RYR3: variants seen among roughly 807,000 people sequenced by gnomAD.
RYR3 encodes the protein ryanodine receptor 3, also known as brain ryanodine receptor-calcium release channel.
Under a neutral mutation model 584.3 loss-of-function variants are expected in RYR3, and 207 were observed. That is an observed-to-expected ratio of 0.35 (90% confidence interval 0.32 to 0.40). RYR3 has a LOEUF of 0.40. Among genes scored for constraint, RYR3 ranks in the 10% least tolerant of loss-of-function variants. The pLI, the probability that RYR3 is intolerant of heterozygous loss-of-function variation, is 1.00. For synonymous variants in RYR3, 2,416 were observed against 2,248.5 expected (o/e 1.07, Z -2.11); for missense variants, 5,616 against 6,089.2 (o/e 0.92, Z 2.59).
Position 33,390,127 on chromosome 15 carries a change from C to T in RYR3, c.51+79031C>T, listed in dbSNP as rs768324759. ...ATGAATTGGCTTCACTGCTGGAAAT[C>T]TGTACTGTTATTCCAAGCAGAGTCT... is the stretch of plus-strand genomic sequence containing the variant. On this transcript the variant is annotated intron_variant, in intron 1 of 103. Transcript: ENST00000634891. The surrounding 1 kb of genome is among the most constrained non-coding windows in gnomAD (Gnocchi z 4.2). Among the ~76,000 whole-genome samples, 3 of 152,198 alleles carry T rather than the reference C, an allele frequency of 2.0e-5. No individual in the cohort carries two copies. The highest frequency in any genetic ancestry group is 4.4e-5 in the Non-Finnish European group (3 of 68,032).
chr15:33,811,510 CAAA>C (rs34105459), intron 72 of RYR3, among the ~76,000 whole-genome samples: 3 of 140,730 alleles, frequency 2.1e-5, no homozygotes, highest in Admixed American at 6.9e-5. Context: ...GACTCCGTCT[CAAA>C]AAAAAAAAAA....
chr15:33,392,194 G>A (rs1348266259), intron 1 of RYR3, among the ~76,000 whole-genome samples: 11 of 57,094 alleles, frequency 1.9e-4, no homozygotes, highest in Middle Eastern at 7.0e-3. Context: ...CACGTGGTAA[G>A]CCCTCAAAAA....
rs537343357 is a variant in RYR3 at position 33,311,449 on chromosome 15, T to C, written c.51+353T>C. 2.0e-5 allele frequency among the ~76,000 whole-genome samples: 3 copies of C among 152,226 alleles called. No individual in the cohort carries two copies. The South Asian group carries it at 6.2e-4, about 32-fold the overall frequency. ...GTTGTCCTGACCCATAAGATCGGCG[T>C]TGGAAGCCCTCGCCCCGGGGTCGGC... On this transcript the variant is annotated intron_variant, in intron 1 of 103. Transcript: ENST00000634891. This position sits in a 1 kb window ranked among gnomAD's most constrained non-coding sequence, Gnocchi z 4.4.
At chr15:33,628,442 A>G in intron 20 of RYR3, 29 bp from the exon 21 acceptor site, 1 of 1,483,210 alleles carries the variant, frequency 6.7e-7, no homozygotes, top group South Asian at 1.1e-5. Context: ...AAAACAATCG[A>G]TTCTTTTCAC....
At chr15:33,511,173 G>C (rs2052950626) in intron 3 of RYR3, among the ~76,000 whole-genome samples, 1 of 151,714 alleles carries the variant, frequency 6.6e-6, no homozygotes, top group Admixed American at 6.6e-5. Context: ...AGCTGACTTA[G>C]GCGACAGCAC....
intron 3 of RYR3, among the ~76,000 whole-genome samples, chr15:33,516,703 C>T (rs1337680467): frequency 6.6e-6 from 1 of 152,020 alleles, no homozygotes; most frequent in East Asian, 1.9e-4. Flanking sequence ...CCAATTTTTT[C>T]TTACAAATCT....
In RYR3 at chr15:33,756,343, C is replaced by T; in HGVS notation, c.8553C>T (p.Pro2851=). The stretch of plus-strand genomic sequence containing the variant: ...GCAGTGGGAAAACTGAAAAGTCTCC[C>T]CGTGACCAGGAGATCAAATTCTTTG... ...IVSSGKTEKS[P]RDQEIKFFAK... Residue 2851 remains proline (P), a synonymous_variant, in exon 59 of 104, where the codon CCC becomes CCT. Coordinates refer to ENST00000634891, the MANE Select transcript of RYR3 (RefSeq NM_001036.6). The T allele has an allele frequency of 6.3e-7, 1 of 1,580,394 alleles. No homozygotes were observed. The highest frequency in any genetic ancestry group is 1.8e-5 in the Admixed American group (1 of 55,010).
chr15:33,752,379 A>G (rs1222339045), intron 57 of RYR3, among the ~76,000 whole-genome samples: 1 of 152,142 alleles, frequency 6.6e-6, no homozygotes, highest in African/African-American at 2.4e-5. Flanking sequence ...ATGTTTTTCC[A>G]TTTGTTTGTG....
At chr15:33,469,137 A>G (rs536212740) in intron 1 of RYR3, among the ~76,000 whole-genome samples, 1 of 152,312 alleles carries the variant, frequency 6.6e-6, no homozygotes, top group South Asian at 2.1e-4. Context: ...ATGGAAATTC[A>G]GAGATCAGAG....
intron 31 of RYR3, among the ~76,000 whole-genome samples, chr15:33,650,752 C>T (rs2062419031): frequency 6.6e-6 from 1 of 152,172 alleles, no homozygotes. Context: ...TCTGTGAACA[C>T]TGTATTTTCA....
intron 2 of RYR3, among the ~76,000 whole-genome samples, chr15:33,500,013 A>G (rs2051822679): frequency 6.6e-6 from 1 of 152,214 alleles, no homozygotes; most frequent in Non-Finnish European, 1.5e-5. Flanking sequence ...AGCCACAGCC[A>G]TAATCAGCAC....
At chr15:33,555,398 A>C (rs905549637) in intron 10 of RYR3, among the ~76,000 whole-genome samples, 4 of 152,226 alleles carry the variant, frequency 2.6e-5, no homozygotes, top group Non-Finnish European at 5.9e-5. Flanking sequence ...AGTAAGATTC[A>C]AATGCCTGAA....
intron 74 of RYR3, among the ~76,000 whole-genome samples, chr15:33,816,335 G>A (rs1352368548): frequency 6.6e-6 from 1 of 152,192 alleles, no homozygotes; most frequent in East Asian, 1.9e-4. Flanking sequence ...ACGACGTAAC[G>A]TGCTTAAACC....
chr15:33,715,800 C>G (rs553506280), intron 43 of RYR3, among the ~76,000 whole-genome samples: 2 of 152,142 alleles, frequency 1.3e-5, no homozygotes, highest in Non-Finnish European at 2.9e-5. Flanking sequence ...ACCATCCCTT[C>G]AATTTTAAAC....
At chr15:33,666,165 C>A (rs2063483612) in intron 36 of RYR3, among the ~76,000 whole-genome samples, 1 of 152,056 alleles carries the variant, frequency 6.6e-6, no homozygotes, top group Non-Finnish European at 1.5e-5. Context: ...CCACCATGAC[C>A]AACTAATTTT....
chr15:33,524,649 A>G (rs1340197856), intron 3 of RYR3, among the ~76,000 whole-genome samples: 1 of 152,192 alleles, frequency 6.6e-6, no homozygotes, highest in Non-Finnish European at 1.5e-5. Flanking sequence ...TCATCAGCTA[A>G]ATTGCAACTC....
At chr15:33,796,422 C>G (rs1387322615) in intron 67 of RYR3, among the ~76,000 whole-genome samples, 1 of 151,772 alleles carries the variant, frequency 6.6e-6, no homozygotes, top group Non-Finnish European at 1.5e-5. Context: ...GCGTGAGCCA[C>G]CGCGACCAGC....
At chr15:33,662,081 G>A in intron 34 of RYR3, 72 bp from the exon 35 acceptor site, 2 of 1,322,788 alleles carry the variant, frequency 1.5e-6, no homozygotes, top group Non-Finnish European at 2.0e-6. Flanking sequence ...CCTTTGTTGG[G>A]CTGGATGAAA....
chr15:33,650,116 C>A (rs1012272302), intron 31 of RYR3, among the ~76,000 whole-genome samples: 1 of 152,118 alleles, frequency 6.6e-6, no homozygotes, highest in African/African-American at 2.4e-5. Context: ...CGGTGGCTCA[C>A]GCTTGTAATC....
Sources: gnomAD v4.1 joint callset for allele counts (sites outside exome capture counted in the v4.1 genomes callset) on GRCh38, gnomAD v4.1.1 for gene constraint, Gnocchi (gnomAD v3.1) non-coding constraint, MANE v1.5 for transcripts, NCBI Gene and HGNC (gene_info 2026-07-23, HGNC 2026-07-21) for gene names.